Variants in WDFY2 observed in about 807,000 individuals in gnomAD.
WDFY2 encodes the protein WD repeat and FYVE domain containing 2, also known as WD repeat and FYVE domain-containing protein 2.
A neutral mutation model predicts 56.4 loss-of-function variants in WDFY2; 36 were observed. The observed-to-expected ratio is 0.64, with a 90% CI of 0.49 to 0.84. The LOEUF (loss-of-function observed/expected upper bound fraction) is 0.84, where lower values mean the gene tolerates loss of function less well. Ranked by LOEUF, WDFY2 falls within the 40% of genes least tolerant of loss-of-function variation. The pLI, the probability that WDFY2 is intolerant of heterozygous loss-of-function variation, is 0.00. For synonymous variants in WDFY2, 176 were observed against 183.7 expected (o/e 0.96, Z 0.34); for missense variants, 444 against 512.2 (o/e 0.87, Z 1.29).
chr13:51,712,094 A>G (rs1034134904), intron 4 of WDFY2, among the ~76,000 whole-genome samples: 2 of 152,244 alleles, frequency 1.3e-5, no homozygotes, highest in Admixed American at 1.3e-4. Context: ...TGGCACATAT[A>G]CACCATGGAA....
rs891884913 is a variant in WDFY2, at chr13:51,646,317, A to G, written c.138-14279A>G. On this transcript the variant is annotated intron_variant, in intron 1 of 11. Coordinates refer to ENST00000298125, the MANE Select transcript of WDFY2 (RefSeq NM_052950.4). Reference sequence around the variant, plus strand: ...CAATGCTCCTGCAGAATGTGCTCCTACGCCCTCTCCACTTTCCTCTGCCAA... The same window carrying G: ...CAATGCTCCTGCAGAATGTGCTCCTGCGCCCTCTCCACTTTCCTCTGCCAA... Among the ~76,000 whole-genome samples, 10 of 152,244 alleles carry G rather than the reference A, an allele frequency of 6.6e-5. No homozygotes were observed. In the South Asian group the frequency reaches 1.7e-3, roughly 25 times the overall value.
intron 4 of WDFY2, among the ~76,000 whole-genome samples, chr13:51,714,810 G>A (rs1286135637): frequency 1.3e-5 from 2 of 152,180 alleles, no homozygotes; most frequent in African/African-American, 4.8e-5. Flanking sequence ...TTTCAGTGTT[G>A]TGTGAATGTG....
chr13:51,699,379 G>T (rs986957764), intron 3 of WDFY2, among the ~76,000 whole-genome samples: 1 of 152,174 alleles, frequency 6.6e-6, no homozygotes, highest in Non-Finnish European at 1.5e-5. Flanking sequence ...TGGGCATCTT[G>T]TGAAACTCAG....
intron 1 of WDFY2, among the ~76,000 whole-genome samples, chr13:51,627,662 G>A (rs112194597): frequency 0.04 from 6,087 of 152,280 alleles, 179 homozygotes; most frequent in Middle Eastern, 0.071. Context: ...GGGATTACAG[G>A]TGTGAGCCAC....
At position 51,662,045 on chromosome 13, in the gene WDFY2, A is replaced by T. The variant is rs554580300; in HGVS notation, c.205+1382A>T. On this transcript the variant is annotated intron_variant, in intron 2 of 11. Transcript: ENST00000298125. Reference sequence around the variant, plus strand: ...GAGTACAGTATTGCAATCTTGGCTCACTGCAACCTCCACCTCCCGGGTTCA... The same window carrying T: ...GAGTACAGTATTGCAATCTTGGCTCTCTGCAACCTCCACCTCCCGGGTTCA... Among the ~76,000 whole-genome samples the T allele has an allele frequency of 5.3e-5, 8 of 152,112 alleles. No homozygotes were observed. In the South Asian group the frequency reaches 1.7e-3, roughly 32 times the overall value.
intron 3 of WDFY2, among the ~76,000 whole-genome samples, chr13:51,695,400 A>T (rs1951846378): frequency 6.6e-6 from 1 of 152,226 alleles, no homozygotes; most frequent in Non-Finnish European, 1.5e-5. Context: ...TCCTTGTAAC[A>T]GACAGGACCC....
chr13:51,692,366 C>A (rs1394023984), intron 3 of WDFY2, among the ~76,000 whole-genome samples: 1 of 152,142 alleles, frequency 6.6e-6, no homozygotes, highest in Non-Finnish European at 1.5e-5. Context: ...GAAATACGTC[C>A]CATCAATACC....
chr13:51,731,637 G>A (rs1305816525), intron 6 of WDFY2, among the ~76,000 whole-genome samples: 1 of 152,214 alleles, frequency 6.6e-6, no homozygotes, highest in African/African-American at 2.4e-5. Flanking sequence ...AGTCCATGGT[G>A]ATTTAGACAT....
intron 1 of WDFY2, among the ~76,000 whole-genome samples, chr13:51,625,032 G>C (rs1015565075): frequency 6.6e-6 from 1 of 152,186 alleles, no homozygotes; most frequent in Non-Finnish European, 1.5e-5. Flanking sequence ...ATCAAGATTG[G>C]GATTTCACTC....
At chr13:51,722,043 C>T (rs577594079) in intron 5 of WDFY2, among the ~76,000 whole-genome samples, 2 of 133,722 alleles carry the variant, frequency 1.5e-5, no homozygotes, top group Non-Finnish European at 3.1e-5. Flanking sequence ...GTTTTGGTTT[C>T]GTCGTTGTTT....
chr13:51,693,811 G>A (rs1413953611), intron 3 of WDFY2, among the ~76,000 whole-genome samples: 5 of 152,030 alleles, frequency 3.3e-5, no homozygotes, highest in Non-Finnish European at 5.9e-5. Flanking sequence ...TTATTGTGTG[G>A]GAGTCTAAGT....
chr13:51,714,464 G>A (rs1346973884), intron 4 of WDFY2, among the ~76,000 whole-genome samples: 1 of 151,928 alleles, frequency 6.6e-6, no homozygotes, highest in Admixed American at 6.6e-5. Context: ...GCTAATTTTT[G>A]TATGTTTTAG....
At chr13:51,692,143 G>A (rs1278853426) in intron 3 of WDFY2, among the ~76,000 whole-genome samples, 1 of 151,992 alleles carries the variant, frequency 6.6e-6, no homozygotes, top group Admixed American at 6.6e-5. Flanking sequence ...CTGCAAACAG[G>A]GACAATTTGA....
At chr13:51,712,823 A>G (rs1952253293) in intron 4 of WDFY2, among the ~76,000 whole-genome samples, 1 of 152,102 alleles carries the variant, frequency 6.6e-6, no homozygotes, top group Non-Finnish European at 1.5e-5. Context: ...GGTATATTTA[A>G]AGGATAATAT....
At chr13:51,680,535 A>T (rs1955959530) in intron 3 of WDFY2, among the ~76,000 whole-genome samples, 1 of 152,192 alleles carries the variant, frequency 6.6e-6, no homozygotes. Flanking sequence ...CTGGGTGGAC[A>T]TGAATTTTGA....
chr13:51,759,719 A>G (rs1566246651), intron 11 of WDFY2, 21 bp from the exon 12 acceptor site: 8 of 1,613,762 alleles, frequency 5.0e-6, no homozygotes, highest in Middle Eastern at 3.3e-4. Context: ...TTCATTCTGT[A>G]TCTTCTTTTT....
intron 1 of WDFY2, among the ~76,000 whole-genome samples, chr13:51,630,905 A>G (rs1367556396): frequency 6.6e-6 from 1 of 150,706 alleles, no homozygotes; most frequent in Non-Finnish European, 1.5e-5. Context: ...CAGCCTCCCA[A>G]GTAGCTGGGA....
At chr13:51,623,673 A>C (rs569526850) in intron 1 of WDFY2, among the ~76,000 whole-genome samples, 1 of 152,168 alleles carries the variant, frequency 6.6e-6, no homozygotes, top group African/African-American at 2.4e-5. Flanking sequence ...AGTACCATCT[A>C]TCTCTCCAGT....
chr13:51,713,015 C>CATGA (rs1952258941), intron 4 of WDFY2, among the ~76,000 whole-genome samples: 1 of 152,048 alleles, frequency 6.6e-6, no homozygotes, highest in Non-Finnish European at 1.5e-5. Flanking sequence ...GCTCCAGGCC[C>CATGA]ACATGCCTTT....
Sources: allele counts gnomAD v4.1 joint callset (sites outside exome capture counted in the v4.1 genomes callset), GRCh38; gene constraint gnomAD v4.1.1; transcripts MANE v1.5; gene names NCBI Gene and HGNC (gene_info 2026-07-23, HGNC 2026-07-21).